PHEX: variants seen among roughly 807,000 people sequenced by gnomAD.
PHEX encodes phosphate regulating endopeptidase X-linked.
Under a neutral mutation model 68.0 loss-of-function variants are expected in PHEX, and 16 were observed. The observed-to-expected ratio is 0.24, with a 90% CI of 0.16 to 0.36. The LOEUF (loss-of-function observed/expected upper bound fraction) is 0.36. Ranked by LOEUF, PHEX falls within the 10% of genes least tolerant of loss-of-function variation. The probability of loss-of-function intolerance (pLI) is 1.00; values close to 1 mark genes in which losing one functional copy is unlikely to be tolerated. For synonymous variants in PHEX, 208 were observed against 205.1 expected (o/e 1.01, Z -0.12); for missense variants, 480 against 575.5 (o/e 0.83, Z 1.70).
At chrX:22,067,242 GAA>G (rs760129111) in intron 3 of PHEX, among the ~76,000 whole-genome samples, 3 of 95,549 alleles carry the variant, frequency 3.1e-5, no homozygotes, top group Non-Finnish European at 2.1e-5. Flanking sequence ...GCCCTGTCTC[GAA>G]AAAAAAAAAA....
intron 15 of PHEX, among the ~76,000 whole-genome samples, chrX:22,210,682 G>T (rs2147161135): frequency 9.0e-6 from 1 of 111,293 alleles, no homozygotes; most frequent in South Asian, 3.8e-4. Flanking sequence ...AGGAAATGTA[G>T]AAATTATGAA....
At chrX:22,035,060 C>T (rs960934931) in intron 1 of PHEX, among the ~76,000 whole-genome samples, 1 of 110,557 alleles carries the variant, frequency 9.0e-6, no homozygotes, top group Non-Finnish European at 1.9e-5. Flanking sequence ...TAGTTAGGGT[C>T]GTCGTCTCTT....
chrX:22,232,160 T>A (rs1935770578), intron 20 of PHEX, among the ~76,000 whole-genome samples: 1 of 111,700 alleles, frequency 9.0e-6, no homozygotes, highest in East Asian at 2.8e-4. Flanking sequence ...TCTTTCTTTC[T>A]TTTGCATTTG....
At chrX:22,086,646 G>A (rs1262597964) in intron 5 of PHEX, among the ~76,000 whole-genome samples, 2 of 111,322 alleles carry the variant, frequency 1.8e-5, no homozygotes, top group African/African-American at 3.3e-5. Context: ...TCTTAGTGCT[G>A]TATATTTGTT....
In PHEX at chrX:22,247,960, C is replaced by T. The variant is rs1402795099; in HGVS notation, c.*7C>T. The T allele has an allele frequency of 4.3e-6, 5 of 1,160,839 alleles. No homozygotes were observed. The highest frequency in any genetic ancestry group is 1.8e-5 in the South Asian group (1 of 55,778). ...CTCCTGCCGACTCTGGTAGCTGGGA[C>T]GCTGGTTTATGGCATCCTGAGACAG... On this transcript the variant is annotated 3_prime_UTR_variant, in exon 22 of 22. Coordinates refer to ENST00000379374, the MANE Select transcript of PHEX (RefSeq NM_000444.6).
At chrX:22,189,096 C>A (rs968513693) in intron 14 of PHEX, among the ~76,000 whole-genome samples, 2 of 112,802 alleles carry the variant, frequency 1.8e-5, no homozygotes, top group Non-Finnish European at 3.7e-5. Context: ...CCATGTGTTG[C>A]AAATGACAGG....
intron 20 of PHEX, among the ~76,000 whole-genome samples, chrX:22,239,503 G>C (rs774746870): frequency 1.8e-5 from 2 of 110,970 alleles, no homozygotes; most frequent in South Asian, 3.8e-4. Flanking sequence ...AAACAGGTTA[G>C]AGGAACTGCT....
At chrX:22,160,191 C>T (rs996707702) in intron 12 of PHEX, among the ~76,000 whole-genome samples, 3 of 111,394 alleles carry the variant, frequency 2.7e-5, no homozygotes, top group Non-Finnish European at 5.6e-5. Flanking sequence ...GGAGGCCTCA[C>T]AATCATGGCG....
At chrX:22,218,074 G>T (rs755887560) in intron 16 of PHEX, among the ~76,000 whole-genome samples, 8 of 109,920 alleles carry the variant, frequency 7.3e-5, no homozygotes, top group Non-Finnish European at 1.3e-4. Context: ...GCCCCAGTTG[G>T]GCTGGCTCTC....
chrX:22,074,955 T>G (rs1007551418), intron 3 of PHEX, among the ~76,000 whole-genome samples: 3 of 109,266 alleles, frequency 2.7e-5, no homozygotes, highest in Admixed American at 2.0e-4. Context: ...TGTGCACCTG[T>G]AATCTCAGCT....
Position 22,164,269 on chromosome X carries a change from G to C in PHEX, c.1405-4043G>C, listed in dbSNP as rs748487728. 4.5e-5 allele frequency among the ~76,000 whole-genome samples: 5 copies of C among 111,584 alleles called. No homozygotes were observed. The South Asian group carries it at 1.9e-3, about 42-fold the overall frequency. Reference sequence around the variant, plus strand: ...GGAATTGACAACGAAGTCTGTGGCAGAAAAAAACATTTGAATCTGAATAGA... The same window carrying C: ...GGAATTGACAACGAAGTCTGTGGCACAAAAAAACATTTGAATCTGAATAGA... On this transcript the variant is annotated intron_variant, in intron 12 of 21. Coordinates refer to ENST00000379374, the MANE Select transcript of PHEX (RefSeq NM_000444.6).
intron 9 of PHEX, among the ~76,000 whole-genome samples, chrX:22,102,456 T>A (rs998871354): frequency 3.6e-5 from 4 of 112,427 alleles, no homozygotes; most frequent in Non-Finnish European, 7.5e-5. Flanking sequence ...ACCACATTTT[T>A]AAAAATCCAT....
intron 12 of PHEX, among the ~76,000 whole-genome samples, chrX:22,151,719 G>A (rs1932858183): frequency 1.8e-5 from 2 of 112,001 alleles, no homozygotes; most frequent in South Asian, 7.4e-4. Flanking sequence ...TTTCCTGACA[G>A]GAGAGCCTGT....
At chrX:22,173,720 C>A (rs939024388) in intron 13 of PHEX, among the ~76,000 whole-genome samples, 5 of 110,556 alleles carry the variant, frequency 4.5e-5, no homozygotes, top group African/African-American at 1.6e-4. Context: ...TCAGAAAATC[C>A]TTTGGGTGCC....
At position 22,185,756 on chromosome X, in the gene PHEX, G is replaced by GTTTTTTTTTTTTTTTTTTTTT. The variant is rs3085228; in HGVS notation, c.1587-4671_1587-4670insTTTTTTTTTTTTTTTTTTTTT. 3.2e-4 allele frequency among the ~76,000 whole-genome samples: 28 copies of GTTTTTTTTTTTTTTTTTTTTT among 87,774 alleles called. 4 individuals are homozygous for GTTTTTTTTTTTTTTTTTTTTT. The highest frequency in any genetic ancestry group is 1.4e-3 in the African/African-American group (28 of 19,946). 76.2% of individuals were successfully genotyped at this position (87,774 alleles called of 115,157 possible). On this transcript the variant is annotated intron_variant, in intron 14 of 21. Coordinates refer to ENST00000379374, the MANE Select transcript of PHEX (RefSeq NM_000444.6). Reference sequence around the variant, plus strand: ...CTCAGCTGCATGGTTCTCGTTTGTGGTTTTTTTTTTTTTTTTTGGACACAG... The same window carrying GTTTTTTTTTTTTTTTTTTTTT: ...CTCAGCTGCATGGTTCTCGTTTGTGGTTTTTTTTTTTTTTTTTTTTTTTTTTTTTTTTTTTTTTGGACACAG...
In PHEX at chrX:22,032,663, A is replaced by G; in HGVS notation, c.-343A>G. Reference sequence around the variant, plus strand: ...GACTATACATTTAAATAGCTAAAACATCTGTTCAGCAACATAGTAAAACAT... The same window carrying G: ...GACTATACATTTAAATAGCTAAAACGTCTGTTCAGCAACATAGTAAAACAT... On this transcript the variant is annotated 5_prime_UTR_variant, in exon 1 of 22. Coordinates refer to ENST00000379374, the MANE Select transcript of PHEX (RefSeq NM_000444.6). 5.0e-6 allele frequency: 1 copy of G among 199,185 alleles called. No homozygotes were observed. The highest frequency in any genetic ancestry group is 9.3e-6 in the Non-Finnish European group (1 of 107,187). The allele number at this position is 199,185 out of a possible 1,213,427, so 16.4% of individuals were successfully genotyped here.
chrX:22,122,326 T>A (rs1417891964), intron 11 of PHEX, among the ~76,000 whole-genome samples: 1 of 111,176 alleles, frequency 9.0e-6, no homozygotes, highest in African/African-American at 3.3e-5. Context: ...TAGTAAGTGG[T>A]GTTGGTTATT....
chrX:22,113,727 A>G (rs985319735), intron 10 of PHEX, among the ~76,000 whole-genome samples: 3 of 110,149 alleles, frequency 2.7e-5, no homozygotes, highest in Non-Finnish European at 3.8e-5. Context: ...CTGGGCAGGA[A>G]CTTTGATCAC....
chrX:22,178,391 A>C lies in PHEX; in HGVS notation c.1586+15A>C. ...CCAAAAACAGAGTGAGTATTAAACA[A>C]AAAAAGTTAAATAGATAAATACATT... is the stretch of plus-strand genomic sequence containing the variant. On this transcript the variant is annotated intron_variant, in intron 14 of 21. Transcript: ENST00000379374. 1.0e-6 allele frequency: 1 copy of C among 990,950 alleles called. No individual in the cohort carries two copies. The highest frequency in any genetic ancestry group is 1.4e-6 in the Non-Finnish European group (1 of 699,264). The allele number at this position is 990,950 out of a possible 1,213,427, so 81.7% of individuals were successfully genotyped here.
Sources: gnomAD v4.1 joint callset for allele counts (sites outside exome capture counted in the v4.1 genomes callset) on GRCh38, gnomAD v4.1.1 for gene constraint, MANE v1.5 for transcripts, NCBI Gene and HGNC (gene_info 2026-07-23, HGNC 2026-07-21) for gene names.